ABCA13: variants seen among roughly 807,000 people sequenced by gnomAD.
ABCA13 encodes the protein ATP-binding cassette sub-family A member 13.
In ABCA13, 476 loss-of-function variants were observed where a neutral mutation model predicts 478.7. The observed-to-expected ratio is 0.99, with a 90% CI of 0.92 to 1.07. ABCA13 has a LOEUF of 1.07. Ranked by LOEUF, ABCA13 falls within the 50% of genes least tolerant of loss-of-function variation. ABCA13 has a pLI of 0.00. For missense variants in ABCA13, 6,060 were observed against 5,910.6 expected (o/e 1.03, Z -0.83); for synonymous variants, 2,252 against 2,158.9 (o/e 1.04, Z -1.20).
chr7:48,448,812 T>C (rs1824621581), intron 42 of ABCA13, among the ~76,000 whole-genome samples: 1 of 152,132 alleles, frequency 6.6e-6, no homozygotes, highest in Admixed American at 6.5e-5. Flanking sequence ...TAATATTGAT[T>C]TTACTTTTTA....
At chr7:48,523,229 A>G (rs1053327108) in intron 53 of ABCA13, among the ~76,000 whole-genome samples, 8 of 152,174 alleles carry the variant, frequency 5.3e-5, no homozygotes, top group Non-Finnish European at 1.0e-4. Context: ...CTGAGTATCT[A>G]GCTATATTTT....
At chr7:48,269,444 T>G (rs1213756786) in intron 16 of ABCA13, among the ~76,000 whole-genome samples, 1 of 152,206 alleles carries the variant, frequency 6.6e-6, no homozygotes, top group Non-Finnish European at 1.5e-5. Context: ...GGAAATCAAT[T>G]CTATAGATTC....
chr7:48,272,110 A>G lies in ABCA13; in HGVS notation c.2444A>G (p.Glu815Gly), dbSNP rs112953120. ...CTCGGAAGTCACTGGATAAGGAAGGAACCAAAAAATCTTTTGAGATTCATA... is the reference window on the plus strand; with the variant it reads ...CTCGGAAGTCACTGGATAAGGAAGGGACCAAAAAATCTTTTGAGATTCATA... ...QTLGSHWIRK[E>G]PKNLLRFIEL... is the part of the protein sequence containing the mutation. The change falls in exon 17 of 62, where the codon GAA (glutamate) becomes GGA (glycine). Residue 815 changes from glutamate (E) to glycine (G), a missense_variant. By Grantham distance (98) the Glu-to-Gly change is moderately conservative. Around this residue, in one of 3 missense-constraint regions of ABCA13, gnomAD observed 4,423 missense variants for 4,309.1 expected, o/e 1.03. Transcript: ENST00000435803. 2.0e-5 allele frequency: 32 copies of G among 1,613,722 alleles called. No individual in the cohort carries two copies. In the African/African-American group the frequency reaches 2.8e-4, roughly 14 times the overall value.
chr7:48,254,050 T>C (rs774350490), intron 15 of ABCA13, among the ~76,000 whole-genome samples: 17 of 152,080 alleles, frequency 1.1e-4, no homozygotes, highest in Non-Finnish European at 1.9e-4. Context: ...TCTGATTTAT[T>C]TTCTAGTTAA....
intron 27 of ABCA13, among the ~76,000 whole-genome samples, chr7:48,333,582 T>G (rs1230086834): frequency 2.0e-5 from 3 of 152,152 alleles, no homozygotes; most frequent in African/African-American, 7.2e-5. Context: ...AATCTTTTAT[T>G]TTTGTGGGTA....
chr7:48,187,128 C>T (rs955084010), intron 1 of ABCA13, among the ~76,000 whole-genome samples: 27 of 149,542 alleles, frequency 1.8e-4, no homozygotes, highest in Middle Eastern at 3.5e-3. Context: ...GTTTAAAGGC[C>T]ATTTAGCTGT....
chr7:48,366,429 C>T (rs1304749480), intron 31 of ABCA13, among the ~76,000 whole-genome samples: 1 of 152,042 alleles, frequency 6.6e-6, no homozygotes, highest in East Asian at 1.9e-4. Flanking sequence ...TTATCACTAC[C>T]TGATATTATG....
At chr7:48,479,367 A>G (rs1828518392) in intron 45 of ABCA13, among the ~76,000 whole-genome samples, 1 of 152,020 alleles carries the variant, frequency 6.6e-6, no homozygotes, top group Admixed American at 6.6e-5. Context: ...CCTCCCGAGT[A>G]GCTGGGACCA....
At chr7:48,238,919 C>T (rs918129355) in intron 8 of ABCA13, among the ~76,000 whole-genome samples, 1 of 152,170 alleles carries the variant, frequency 6.6e-6, no homozygotes, top group African/African-American at 2.4e-5. Context: ...CTTTGTTAGT[C>T]CGAAGTATGA....
chr7:48,220,557 G>A (rs989153352), intron 4 of ABCA13, among the ~76,000 whole-genome samples: 1 of 152,268 alleles, frequency 6.6e-6, no homozygotes, highest in East Asian at 1.9e-4. Flanking sequence ...AAGGCAGATG[G>A]CATTATGTGG....
intron 32 of ABCA13, among the ~76,000 whole-genome samples, chr7:48,370,732 G>A (rs73099316): frequency 0.12 from 18,223 of 152,058 alleles, 1,293 homozygotes; most frequent in East Asian, 0.31. Flanking sequence ...TTGCAAAAGC[G>A]ATGCTAAGAA....
At chr7:48,434,194 T>C (rs1278408846) in intron 42 of ABCA13, among the ~76,000 whole-genome samples, 1 of 152,050 alleles carries the variant, frequency 6.6e-6, no homozygotes, top group Non-Finnish European at 1.5e-5. Context: ...ACCTTTTAAA[T>C]AATAATCATC....
intron 38 of ABCA13, among the ~76,000 whole-genome samples, chr7:48,399,211 TC>T (rs1817261692): frequency 6.6e-6 from 1 of 152,220 alleles, no homozygotes. Flanking sequence ...GAAAAAATGC[TC>T]CTCTTCCATT....
intron 59 of ABCA13, among the ~76,000 whole-genome samples, chr7:48,640,000 C>T (rs984264978): frequency 2.6e-5 from 4 of 152,018 alleles, no homozygotes; most frequent in Non-Finnish European, 2.9e-5. Flanking sequence ...AATGGTTATG[C>T]GATTATTTCT....
rs750197451 is a variant in ABCA13 at position 48,298,445 on chromosome 7, G to C, written c.9279G>C (p.Glu3093Asp). ...ELRSSIQISN[E>D]TIHSILEANI... ...GCTCTTCCATCCAAATCTCGAATGA[G>C]ACTATCCATAGCATTCTAGAAGCAA... The change falls in exon 23 of 62, where the codon GAG (glutamate) becomes GAC (aspartate). Residue 3093 changes from glutamate to aspartate, a missense_variant. By Grantham distance (45) the Glu-to-Asp change is conservative (BLOSUM62 2). This residue lies in a region of ABCA13 where 4,423 missense variants were observed against 4,309.1 expected (regional missense o/e 1.03). Coordinates refer to ENST00000435803, the MANE Select transcript of ABCA13 (RefSeq NM_152701.5). 4 of 1,613,620 alleles carry C rather than the reference G, an allele frequency of 2.5e-6. No homozygotes were observed. The highest frequency in any genetic ancestry group is 3.4e-6 in the Non-Finnish European group (4 of 1,179,708).
intron 55 of ABCA13, among the ~76,000 whole-genome samples, chr7:48,566,697 A>G (rs1396092852): frequency 6.6e-6 from 1 of 152,146 alleles, no homozygotes; most frequent in African/African-American, 2.4e-5. Flanking sequence ...AGAAGACACC[A>G]TGGAAAATGG....
intron 59 of ABCA13, among the ~76,000 whole-genome samples, chr7:48,625,748 C>G (rs1202877747): frequency 1.3e-5 from 2 of 152,190 alleles, no homozygotes; most frequent in African/African-American, 4.8e-5. Flanking sequence ...CCAGAGCTGT[C>G]ACTTTATCAA....
At chr7:48,195,756 GA>G (rs1259910273) in intron 2 of ABCA13, among the ~76,000 whole-genome samples, 4 of 152,140 alleles carry the variant, frequency 2.6e-5, no homozygotes, top group Non-Finnish European at 5.9e-5. Context: ...ACAAGTAGAG[GA>G]GACAATAAGC....
At chr7:48,611,463 AAAG>A (rs1226382930) in intron 58 of ABCA13, among the ~76,000 whole-genome samples, 1 of 152,200 alleles carries the variant, frequency 6.6e-6, no homozygotes, top group Non-Finnish European at 1.5e-5. Context: ...GCCATAGAGA[AAAG>A]AAGTTTAACA....
Sources: gnomAD v4.1 joint callset for allele counts (sites outside exome capture counted in the v4.1 genomes callset) on GRCh38, gnomAD v4.1.1 for gene constraint, gnomAD v4.1.1 regional missense constraint, MANE v1.5 for transcripts, NCBI Gene and HGNC (gene_info 2026-07-23, HGNC 2026-07-21) for gene names.